The following EPHA6 variants were observed in gnomAD, a reference collection of about 807,000 sequenced individuals.
EPHA6 encodes ephrin type-A receptor 6.
A neutral mutation model predicts 112.0 loss-of-function variants in EPHA6; 50 were observed. The ratio of observed to expected loss-of-function variants is 0.45; its 90% CI spans 0.36 to 0.56. EPHA6 has a LOEUF of 0.56. EPHA6 is among the 20% of genes least tolerant of loss of function. EPHA6 has a pLI of 0.00. For missense variants in EPHA6, 1,280 were observed against 1,417.4 expected (o/e 0.90, Z 1.56); for synonymous variants, 529 against 490.7 (o/e 1.08, Z -1.03).
At chr3:97,188,217 A>T (rs914116017) in intron 3 of EPHA6, among the ~76,000 whole-genome samples, 10 of 152,114 alleles carry the variant, frequency 6.6e-5, no homozygotes, top group African/African-American at 2.4e-4. Context: ...AGCTAAATGG[A>T]TCAGCAAATT....
chr3:97,129,140 A>T (rs1168928128), intron 3 of EPHA6, among the ~76,000 whole-genome samples: 4 of 152,000 alleles, frequency 2.6e-5, no homozygotes, highest in African/African-American at 9.7e-5. Flanking sequence ...TATAGGAGTG[A>T]GCCACCGTAC....
At chr3:97,444,550 A>G (rs2090260426) in intron 6 of EPHA6, among the ~76,000 whole-genome samples, 1 of 152,208 alleles carries the variant, frequency 6.6e-6, no homozygotes, top group African/African-American at 2.4e-5. Context: ...GAATGTCTGT[A>G]GAATGAATGA....
rs930869743 is a variant in EPHA6, at chr3:97,280,133, C to T, written c.1606+35846C>T. 2.8e-4 allele frequency among the ~76,000 whole-genome samples: 42 copies of T among 152,354 alleles called. 1 individual carries two copies. Among genetic ancestry groups the T allele is most frequent in the African/African-American group, 7.7e-4 (32 of 41,588 alleles). ...TCCTGACCTAAAGTGATCCACCCGC[C>T]TTGGCCTCCCAAAGTGCTGGGAATT... On this transcript the variant is annotated intron_variant, in intron 5 of 17. Transcript: ENST00000389672.
intron 2 of EPHA6, among the ~76,000 whole-genome samples, chr3:96,924,932 A>G (rs1251256880): frequency 1.3e-5 from 2 of 152,074 alleles, no homozygotes; most frequent in African/African-American, 2.4e-5. Flanking sequence ...TAACTATGCA[A>G]CATATGCAAA....
Position 97,136,916 on chromosome 3 carries a change from A to G in EPHA6, c.1115-89348A>G, listed in dbSNP as rs1188372767. Among the ~76,000 whole-genome samples, 3 of 152,212 alleles carry G rather than the reference A, an allele frequency of 2.0e-5. No individual in the cohort carries two copies. In the East Asian group the frequency reaches 5.8e-4, roughly 29 times the overall value. On this transcript the variant is annotated intron_variant, in intron 3 of 17. Transcript: ENST00000389672. The stretch of plus-strand genomic sequence containing the variant: ...GTGTTCTTCAGGAAGATGGTCTATC[A>G]TATTGGAAAGAAGGACACCCTAAAA...
At chr3:97,056,184 A>G (rs1249201907) in intron 3 of EPHA6, among the ~76,000 whole-genome samples, 1 of 152,148 alleles carries the variant, frequency 6.6e-6, no homozygotes, top group Non-Finnish European at 1.5e-5. Flanking sequence ...GGAGTAGACA[A>G]TACAGCATCG....
At chr3:97,505,300 A>G (rs988015273) in intron 10 of EPHA6, among the ~76,000 whole-genome samples, 4 of 152,140 alleles carry the variant, frequency 2.6e-5, no homozygotes, top group South Asian at 4.1e-4. Context: ...TCAACCCGTC[A>G]TCTACATTAG....
chr3:96,853,723 T>A (rs2035527408), intron 1 of EPHA6, among the ~76,000 whole-genome samples: 1 of 151,092 alleles, frequency 6.6e-6, no homozygotes, highest in Admixed American at 6.6e-5. Context: ...CTTTTAATCA[T>A]TTTTTTTTCC....
intron 5 of EPHA6, among the ~76,000 whole-genome samples, chr3:97,365,205 A>G (rs1042622173): frequency 1.3e-5 from 2 of 152,182 alleles, no homozygotes; most frequent in Non-Finnish European, 2.9e-5. Context: ...CTTCTACAGT[A>G]CGATGTTGAT....
chr3:97,699,711 G>T (rs73850150), intron 14 of EPHA6, among the ~76,000 whole-genome samples: 1 of 152,058 alleles, frequency 6.6e-6, no homozygotes, highest in Non-Finnish European at 1.5e-5. Context: ...AGGCCTGTAC[G>T]AATAAGCTAT....
chr3:97,045,173 A>G (rs956490568), intron 3 of EPHA6, among the ~76,000 whole-genome samples: 2 of 151,986 alleles, frequency 1.3e-5, no homozygotes, highest in Non-Finnish European at 2.9e-5. Flanking sequence ...GATCTAAAAT[A>G]TCATCTAGTA....
chr3:96,948,534 A>G (rs550254665), intron 2 of EPHA6, among the ~76,000 whole-genome samples: 2 of 152,332 alleles, frequency 1.3e-5, no homozygotes, highest in African/African-American at 2.4e-5. Context: ...TGGAAAAAAA[A>G]TGCTAAGTAT....
At chr3:97,192,474 A>T (rs556368643) in intron 3 of EPHA6, among the ~76,000 whole-genome samples, 4 of 152,240 alleles carry the variant, frequency 2.6e-5, no homozygotes, top group African/African-American at 9.6e-5. Flanking sequence ...AAACTGGGTT[A>T]TCAGATTTTC....
intron 5 of EPHA6, among the ~76,000 whole-genome samples, chr3:97,362,488 T>G (rs2084425291): frequency 6.6e-6 from 1 of 152,054 alleles, no homozygotes. Context: ...ATTTATAAAT[T>G]TAGCCTCTTT....
chr3:97,470,753 C>T lies in EPHA6; in HGVS notation c.1895-4599C>T, dbSNP rs2091205912. ...ACGCTGTTGCTCAGTTACAATTTTG[C>T]AATTCTTTTTGGATAATTGCTTCCT... On this transcript the variant is annotated intron_variant, in intron 7 of 17. Transcript: ENST00000389672. Among the ~76,000 whole-genome samples, 4 of 151,546 alleles carry T rather than the reference C, an allele frequency of 2.6e-5. 1 individual carries two copies. The South Asian group carries it at 8.3e-4, about 31-fold the overall frequency.
chr3:96,945,195 G>T (rs796376488), intron 2 of EPHA6, among the ~76,000 whole-genome samples: 5 of 152,172 alleles, frequency 3.3e-5, no homozygotes, highest in African/African-American at 1.2e-4. Flanking sequence ...TCTGGTCCAT[G>T]ATACCATCAT....
At chr3:97,707,376 TA>T (rs1416999854) in intron 14 of EPHA6, among the ~76,000 whole-genome samples, 4 of 152,162 alleles carry the variant, frequency 2.6e-5, no homozygotes, top group Non-Finnish European at 5.9e-5. Context: ...AAAATTCAAA[TA>T]ATAGTACGTA....
intron 14 of EPHA6, among the ~76,000 whole-genome samples, chr3:97,699,992 T>C (rs1336749472): frequency 6.6e-6 from 1 of 152,146 alleles, no homozygotes; most frequent in Non-Finnish European, 1.5e-5. Flanking sequence ...ATTTTGGAAG[T>C]ACAAAACCAG....
At chr3:97,044,408 G>A (rs971715166) in intron 3 of EPHA6, among the ~76,000 whole-genome samples, 1 of 152,138 alleles carries the variant, frequency 6.6e-6, no homozygotes, top group Non-Finnish European at 1.5e-5. Context: ...TCTATGTTGT[G>A]TAAGGCAGGA....
Sources: allele counts gnomAD v4.1 joint callset (sites outside exome capture counted in the v4.1 genomes callset), GRCh38; gene constraint gnomAD v4.1.1; transcripts MANE v1.5; gene names NCBI Gene and HGNC (gene_info 2026-07-23, HGNC 2026-07-21).